The following PTK2 variants were observed in gnomAD, a reference collection of about 807,000 sequenced individuals.
The protein encoded by PTK2 is protein tyrosine kinase 2, also known as focal adhesion kinase 1.
Under a neutral mutation model 150.1 loss-of-function variants are expected in PTK2, and 45 were observed. The ratio of observed to expected loss-of-function variants is 0.30; its 90% confidence interval spans 0.24 to 0.38. The LOEUF is 0.38. Among genes scored for constraint, PTK2 ranks in the 10% least tolerant of loss-of-function variants. The pLI is 1.00. For missense variants in PTK2, 919 were observed against 1,307.3 expected, an observed-to-expected ratio of 0.70 and a Z score of 4.58; for synonymous variants, 432 against 449.2, an observed-to-expected ratio of 0.96 and a Z score of 0.48.
At chr8:140,702,128 C>CA (rs749591009) in intron 25 of PTK2, among the ~76,000 whole-genome samples, 2,536 of 42,868 alleles carry the variant, frequency 0.059, 260 homozygotes, top group Non-Finnish European at 0.064. Context: ...ACTCTGTCTC[C>CA]AAAAAAAAAA....
intron 30 of PTK2, among the ~76,000 whole-genome samples, chr8:140,667,460 CTCTCTCT>C (rs2092945529): frequency 1.4e-5 from 1 of 73,140 alleles, no homozygotes; most frequent in South Asian, 4.3e-4. Context: ...TTCTCTCTCT[CTCTCTCT>C]TTTTTTTTTT....
chr8:140,801,126 G>A (rs1174255257), intron 11 of PTK2, among the ~76,000 whole-genome samples: 2 of 152,162 alleles, frequency 1.3e-5, no homozygotes, highest in Non-Finnish European at 2.9e-5. Context: ...AGAGTTCCTA[G>A]AGCCCTCAGA....
At chr8:140,746,324 T>G (rs964820722) in intron 18 of PTK2, 1 of 153,820 alleles carries the variant, frequency 6.5e-6, no homozygotes, top group Non-Finnish European at 1.4e-5. Flanking sequence ...GAGGGAGACT[T>G]TGTCTCTCAA....
chr8:140,734,892 G>A lies in PTK2; in HGVS notation c.2030+359C>T. 10 of 423,136 alleles carry A rather than the reference G, an allele frequency of 2.4e-5. 1 individual carries two copies. The highest frequency in any genetic ancestry group is 1.8e-4 in the South Asian group (10 of 54,348). 26.2% of individuals were successfully genotyped at this position (423,136 alleles called of 1,614,324 possible). ...AGCTGTGTTAGGAGAATTATAAGTA[G>A]GTATTGCTGGATCACAAAGTGTGAG... On this transcript the variant is annotated intron_variant, in intron 22 of 31. Transcript: ENST00000522684.
intron 22 of PTK2, among the ~76,000 whole-genome samples, chr8:140,727,923 C>T (rs888963148): frequency 6.6e-6 from 1 of 152,154 alleles, no homozygotes; most frequent in Non-Finnish European, 1.5e-5. Flanking sequence ...CGGCCGGGCG[C>T]GGTGGCTCAC....
At chr8:140,794,725 G>C (rs1210585553) in intron 12 of PTK2, among the ~76,000 whole-genome samples, 1 of 152,128 alleles carries the variant, frequency 6.6e-6, no homozygotes, top group East Asian at 1.9e-4. Flanking sequence ...TCCCTGGCCT[G>C]ATGAAGATTA....
intron 2 of PTK2, chr8:140,909,086 GGAGGCTGAGGCAGGAGGCA>G (rs1370281428): frequency 6.5e-6 from 1 of 153,730 alleles, no homozygotes; most frequent in Admixed American, 6.5e-5. Context: ...CAGCTACTTG[GGAGGCTGAGGCAGGAGGCA>G]GAGGTTGCAG....
At chr8:140,913,648 C>T (rs1367567170) in intron 2 of PTK2, among the ~76,000 whole-genome samples, 1 of 152,086 alleles carries the variant, frequency 6.6e-6, no homozygotes, top group Non-Finnish European at 1.5e-5. Context: ...CATCAAAAAA[C>T]ACCCAGACCA....
intron 17 of PTK2, chr8:140,751,996 CA>C: frequency 1.5e-6 from 1 of 669,042 alleles, no homozygotes; most frequent in Non-Finnish European, 2.8e-6. Context: ...GCCTAAGTAC[CA>C]AAGTATAAAG....
intron 4 of PTK2, among the ~76,000 whole-genome samples, chr8:140,875,826 G>T (rs780468350): frequency 3.3e-5 from 5 of 152,092 alleles, no homozygotes; most frequent in Non-Finnish European, 7.4e-5. Context: ...ACTAGAAAGA[G>T]AAGAAAACAG....
intron 26 of PTK2, among the ~76,000 whole-genome samples, chr8:140,692,856 C>G (rs1283964838): frequency 6.6e-6 from 1 of 152,076 alleles, no homozygotes; most frequent in Non-Finnish European, 1.5e-5. Flanking sequence ...TTCAGACAGA[C>G]AGCCTCTTGC....
intron 8 of PTK2, among the ~76,000 whole-genome samples, chr8:140,820,066 T>C (rs1217047053): frequency 7.0e-6 from 1 of 142,008 alleles, no homozygotes; most frequent in East Asian, 2.1e-4. Context: ...AGTGACTTTA[T>C]CTGACTTTGG....
intron 1 of PTK2, among the ~76,000 whole-genome samples, chr8:140,982,215 T>C (rs1371986189): frequency 6.6e-6 from 1 of 152,204 alleles, no homozygotes; most frequent in Non-Finnish European, 1.5e-5. Flanking sequence ...AGGCTCCAAG[T>C]CTGTGGAGAG....
At chr8:140,675,376 C>T (rs2100013046) in intron 28 of PTK2, 84 bp downstream of exon 31, 1 of 1,453,194 alleles carries the variant, frequency 6.9e-7, no homozygotes, top group South Asian at 1.2e-5. Context: ...GAGGGTATTC[C>T]AAAGCTACGA....
chr8:140,664,629 T>A (rs1420723169), intron 31 of PTK2, among the ~76,000 whole-genome samples: 1 of 152,170 alleles, frequency 6.6e-6, no homozygotes, highest in African/African-American at 2.4e-5. Flanking sequence ...TCAGAGCCAC[T>A]TGTAGCTCAG....
intron 29 of PTK2, among the ~76,000 whole-genome samples, chr8:140,671,699 G>A (rs1186828100): frequency 6.7e-6 from 1 of 149,360 alleles, no homozygotes; most frequent in Non-Finnish European, 1.5e-5. Flanking sequence ...GGATCACAAG[G>A]TCAGGAGATC....
At chr8:140,712,714 T>A (rs113356202) in intron 23 of PTK2, among the ~76,000 whole-genome samples, 2 of 152,236 alleles carry the variant, frequency 1.3e-5, no homozygotes, top group Non-Finnish European at 2.9e-5. Flanking sequence ...GTAAACAACA[T>A]ATATTTTTAA....
intron 14 of PTK2, among the ~76,000 whole-genome samples, chr8:140,776,062 T>C (rs1298110063): frequency 1.3e-5 from 2 of 152,222 alleles, no homozygotes; most frequent in Non-Finnish European, 2.9e-5. Flanking sequence ...TGGAGTGCAG[T>C]GGCGTGATCT....
chr8:140,846,749 T>C (rs1312203586), intron 5 of PTK2, 71 bp from the exon 6 acceptor site: 1 of 1,082,194 alleles, frequency 9.2e-7, no homozygotes, highest in African/African-American at 1.6e-5. Context: ...ATTCAATAAA[T>C]GTTTCCTGAG....
Sources: allele counts gnomAD v4.1 joint callset (sites outside exome capture counted in the v4.1 genomes callset), GRCh38; gene constraint gnomAD v4.1.1; transcripts MANE v1.5; gene names NCBI Gene and HGNC (gene_info 2026-07-23, HGNC 2026-07-21).